The following PIEZO2 variants were observed in gnomAD, a reference collection of about 807,000 sequenced individuals.
The protein encoded by PIEZO2 is piezo type mechanosensitive ion channel component 2, also known as piezo-type mechanosensitive ion channel component 2.
A neutral mutation model predicts 337.3 loss-of-function variants in PIEZO2; 172 were observed. That is an observed-to-expected ratio of 0.51 (90% CI 0.45 to 0.58). The LOEUF (loss-of-function observed/expected upper bound fraction) is 0.58, where lower values mean the gene tolerates loss of function less well. PIEZO2 is among the 20% of genes least tolerant of loss of function. PIEZO2 has a pLI of 0.00. For synonymous variants in PIEZO2, 1,251 were observed against 1,228.5 expected (o/e 1.02, Z -0.38); for missense variants, 3,028 against 3,391.3 (o/e 0.89, Z 2.66).
At chr18:10,832,592 C>T (rs914140848) in intron 7 of PIEZO2, among the ~76,000 whole-genome samples, 2 of 152,140 alleles carry the variant, frequency 1.3e-5, no homozygotes, top group East Asian at 3.8e-4. Flanking sequence ...ACTTTGTCTA[C>T]TTTAGCAAGA....
At chr18:10,907,443 CAAAA>C (rs147285429) in intron 4 of PIEZO2, among the ~76,000 whole-genome samples, 1 of 140,344 alleles carries the variant, frequency 7.1e-6, no homozygotes, top group Non-Finnish European at 1.5e-5. Context: ...GACTCTGTCT[CAAAA>C]AAAAAAAAAA....
chr18:10,938,930 C>T (rs1568218785), intron 3 of PIEZO2, among the ~76,000 whole-genome samples: 1 of 151,820 alleles, frequency 6.6e-6, no homozygotes, highest in Non-Finnish European at 1.5e-5. Flanking sequence ...GCTAAAAATA[C>T]AAAAAAATTA....
At chr18:10,992,272 T>A (rs1200478251) in intron 2 of PIEZO2, among the ~76,000 whole-genome samples, 1 of 152,228 alleles carries the variant, frequency 6.6e-6, no homozygotes, top group African/African-American at 2.4e-5. Context: ...TTGTTGCCAA[T>A]GCTTTTGGTG....
intron 4 of PIEZO2, chr18:10,890,668 C>G (rs2042729297): frequency 1.3e-5 from 2 of 152,188 alleles, no homozygotes; most frequent in Admixed American, 6.5e-5. Flanking sequence ...GTAACTGCCC[C>G]AATGATTCAA....
chr18:11,034,844 C>G (rs561976851), intron 2 of PIEZO2, among the ~76,000 whole-genome samples: 1 of 152,208 alleles, frequency 6.6e-6, no homozygotes, highest in Non-Finnish European at 1.5e-5. Context: ...GACTCCGTCT[C>G]AAACAAAAAC....
In PIEZO2 at chr18:10,954,864, T is replaced by C. The variant is rs2145335997; in HGVS notation, c.286+24671A>G. ...TCTCTGATGTTAGTAATGTTTTCCT[T>C]GATCTCCCCAGAAAAGTATAAACTT... On this transcript the variant is annotated intron_variant, in intron 3 of 55. Transcript: ENST00000674853. The surrounding 1 kb of genome is among the most constrained non-coding windows in gnomAD (Gnocchi z 4.2). Among the ~76,000 whole-genome samples the C allele has an allele frequency of 6.6e-6, 1 of 152,352 alleles. No homozygotes were observed. The highest frequency in any genetic ancestry group is 1.5e-5 in the Non-Finnish European group (1 of 68,030).
chr18:10,985,917 C>T (rs989857399), intron 2 of PIEZO2, among the ~76,000 whole-genome samples: 2 of 151,812 alleles, frequency 1.3e-5, no homozygotes, highest in African/African-American at 2.4e-5. Flanking sequence ...GTTAACTGCT[C>T]CCATTAAAAT....
At position 10,724,798 on chromosome 18, in the gene PIEZO2, C is replaced by T. The variant is rs2036463021; in HGVS notation, c.5030-6539G>A. The T allele has an allele frequency of 1.3e-6, 2 of 1,587,152 alleles. No homozygotes were observed. The highest frequency in any genetic ancestry group is 1.3e-5 in the African/African-American group (1 of 74,812). On this transcript the variant is annotated intron_variant, in intron 36 of 55. Coordinates refer to ENST00000674853, the MANE Select transcript of PIEZO2 (RefSeq NM_001378183.1). This position sits in a 1 kb window ranked among gnomAD's most constrained non-coding sequence, Gnocchi z 5.8. The stretch of plus-strand genomic sequence containing the variant: ...AGTCCCCCCAGCACTGCAGCCCCAG[C>T]CTGAGCAGCAGTCGTTCTCACAGAT...
chr18:10,866,664 G>A (rs2042015943), intron 5 of PIEZO2, among the ~76,000 whole-genome samples: 1 of 152,186 alleles, frequency 6.6e-6, no homozygotes, highest in African/African-American at 2.4e-5. Context: ...CAGAGGACAG[G>A]ATGAGTGGGC....
chr18:10,714,737 T>C (rs77481110), intron 39 of PIEZO2, 27 bp downstream of exon 39: 1 of 1,534,614 alleles, frequency 6.5e-7, no homozygotes, highest in East Asian at 2.4e-5. Flanking sequence ...TTGTCAAAAG[T>C]AAACCCATTG....
At chr18:11,137,628 G>A (rs1003406801) in intron 1 of PIEZO2, among the ~76,000 whole-genome samples, 7 of 152,190 alleles carry the variant, frequency 4.6e-5, no homozygotes, top group African/African-American at 1.4e-4. Context: ...TGTACCTGCA[G>A]CAATGCCAAA....
chr18:10,715,026 C>A, intron 38 of PIEZO2, 96 bp from the exon 39 acceptor site: 1 of 1,248,202 alleles, frequency 8.0e-7, no homozygotes. Context: ...CATACCCATG[C>A]ATGCCTGGAT....
intron 38 of PIEZO2, among the ~76,000 whole-genome samples, chr18:10,715,418 G>A (rs1238036145): frequency 1.3e-5 from 2 of 152,190 alleles, no homozygotes; most frequent in Non-Finnish European, 2.9e-5. Context: ...GGGATAGGAT[G>A]AATAAAGTTG....
intron 34 of PIEZO2, among the ~76,000 whole-genome samples, chr18:10,735,920 A>G (rs1479046520): frequency 2.0e-5 from 3 of 152,236 alleles, no homozygotes; most frequent in African/African-American, 2.4e-5. Context: ...GTTAATTGAT[A>G]AAAGAAACAC....
chr18:10,712,410 A>C (rs1245645899), intron 39 of PIEZO2, among the ~76,000 whole-genome samples: 5 of 152,240 alleles, frequency 3.3e-5, no homozygotes, highest in African/African-American at 9.6e-5. Context: ...AGAATGATTC[A>C]GTTTAAATAC....
At chr18:10,800,167 C>G (rs971771555) in intron 11 of PIEZO2, among the ~76,000 whole-genome samples, 170 bp downstream of exon 11, 1 of 152,144 alleles carries the variant, frequency 6.6e-6, no homozygotes, top group African/African-American at 2.4e-5. Flanking sequence ...TAGAACACAA[C>G]TAGCAATATG....
intron 3 of PIEZO2, among the ~76,000 whole-genome samples, chr18:10,963,011 G>A (rs549805548): frequency 5.3e-5 from 8 of 152,264 alleles, no homozygotes; most frequent in African/African-American, 1.9e-4. Flanking sequence ...ATCTGGCCTG[G>A]TATGGTGGTT....
chr18:10,935,119 G>A (rs1335121724), intron 3 of PIEZO2, among the ~76,000 whole-genome samples: 1 of 152,142 alleles, frequency 6.6e-6, no homozygotes, highest in Non-Finnish European at 1.5e-5. Flanking sequence ...AAACTATATA[G>A]ATAGCTGTTA....
rs1402615465 is a variant in PIEZO2, at chr18:11,129,067, A to G, written c.64+19458T>C. Among the ~76,000 whole-genome samples, 2 of 152,190 alleles carry G rather than the reference A, an allele frequency of 1.3e-5. No individual in the cohort carries two copies. The highest frequency in any genetic ancestry group is 2.4e-5 in the African/African-American group (1 of 41,434). On this transcript the variant is annotated intron_variant, in intron 1 of 55. Coordinates refer to ENST00000674853, the MANE Select transcript of PIEZO2 (RefSeq NM_001378183.1). This position sits in a 1 kb window ranked among gnomAD's most constrained non-coding sequence, Gnocchi z 4.6. Reference sequence around the variant, plus strand: ...ACTATGAGCGAGCTGGAAATGCCTGATCTCCCTCAGTTTAATGTAGAGGAA... The same window carrying G: ...ACTATGAGCGAGCTGGAAATGCCTGGTCTCCCTCAGTTTAATGTAGAGGAA...
Sources: gnomAD v4.1 joint callset for allele counts (sites outside exome capture counted in the v4.1 genomes callset) on GRCh38, gnomAD v4.1.1 for gene constraint, Gnocchi (gnomAD v3.1) non-coding constraint, MANE v1.5 for transcripts, NCBI Gene and HGNC (gene_info 2026-07-23, HGNC 2026-07-21) for gene names.